NLRP13: variants seen among roughly 807,000 people sequenced by gnomAD.
NLRP13 encodes NACHT, LRR and PYD domains-containing protein 13.
NLRP13 carries 82 observed loss-of-function variants against 94.4 expected under a neutral mutation model. The observed-to-expected ratio is 0.87, with a 90% CI of 0.73 to 1.04. NLRP13 has a LOEUF of 1.04. NLRP13 is among the 50% of genes least tolerant of loss of function. The pLI is 0.00. For synonymous variants in NLRP13, 553 were observed against 464.7 expected (o/e 1.19, Z -2.45); for missense variants, 1,426 against 1,230.8 (o/e 1.16, Z -2.37).
At chr19:55,902,323 AGG>A (rs1568688427) in intron 8 of NLRP13, 118 bp from the exon 9 acceptor site, 5 of 767,530 alleles carry the variant, frequency 6.5e-6, no homozygotes, top group Non-Finnish European at 2.1e-6. Flanking sequence ...CTGGACGACA[AGG>A]TCTTTCTTTT....
chr19:55,902,317 A>G, intron 8 of NLRP13, 112 bp from the exon 9 acceptor site: 2 of 852,230 alleles, frequency 2.3e-6, no homozygotes, highest in Non-Finnish European at 3.6e-6. Flanking sequence ...AGCTCCCTGG[A>G]CGACAAGGTC....
chr19:55,896,820 CAAAAAAAAAAAA>C (rs3073244), intron 10 of NLRP13, among the ~76,000 whole-genome samples: 31 of 80,916 alleles, frequency 3.8e-4, no homozygotes, highest in African/African-American at 1.2e-3. Context: ...CTCCATCTCA[CAAAAAAAAAAAA>C]AAAAAAAAAA....
intron 6 of NLRP13, among the ~76,000 whole-genome samples, chr19:55,909,540 G>GAAA (rs56165547): frequency 6.8e-6 from 1 of 146,238 alleles, no homozygotes; most frequent in Non-Finnish European, 1.5e-5. Context: ...GGATCTCCAG[G>GAAA]AAAAAAAAAA....
At chr19:55,909,010 G>A (rs987384797) in intron 6 of NLRP13, among the ~76,000 whole-genome samples, 2 of 152,082 alleles carry the variant, frequency 1.3e-5, no homozygotes, top group Non-Finnish European at 2.9e-5. Flanking sequence ...GGAAAGTTAC[G>A]ATCAAACCTT....
intron 9 of NLRP13, among the ~76,000 whole-genome samples, chr19:55,899,303 C>G (rs1050174241): frequency 3.3e-5 from 5 of 152,104 alleles, no homozygotes; most frequent in African/African-American, 1.2e-4. Context: ...CCAGGAATCT[C>G]CCATAACGGC....
At chr19:55,896,175 G>C (rs928130690) in intron 10 of NLRP13, 56 bp from the exon 11 acceptor site, 21 of 1,571,788 alleles carry the variant, frequency 1.3e-5, no homozygotes, top group Non-Finnish European at 1.8e-5. Context: ...TGGGAAGTTA[G>C]AAAAGAGATA....
Position 55,911,614 on chromosome 19 carries a change from C to T in NLRP13, c.2111+92G>A, listed in dbSNP as rs545278485. 2.6e-4 allele frequency: 328 copies of T among 1,240,152 alleles called. 1 individual carries two copies. The highest frequency in any genetic ancestry group is 3.4e-4 in the Non-Finnish European group (298 of 886,634). 76.8% of individuals were successfully genotyped at this position (1,240,152 alleles called of 1,614,324 possible). A position where few individuals can be genotyped will look rare whatever the true frequency, so the allele number is the denominator to read the frequency against. ...GTCGGAAATAAGCACGAATACATAA[C>T]GACAACACATCCCTGGTTTTGCATG... On this transcript the variant is annotated intron_variant, in intron 5 of 10. Transcript: ENST00000342929.
chr19:55,910,210 C>T (rs549552055), intron 6 of NLRP13, among the ~76,000 whole-genome samples: 5 of 152,290 alleles, frequency 3.3e-5, no homozygotes, highest in South Asian at 2.1e-4. Context: ...GCTTAAGACA[C>T]GAAGCAGTCT....
intron 1 of NLRP13, among the ~76,000 whole-genome samples, chr19:55,929,672 T>C (rs1327240035): frequency 6.6e-6 from 1 of 152,160 alleles, no homozygotes; most frequent in Non-Finnish European, 1.5e-5. Context: ...ATACCTAATG[T>C]ACATGATGGG....
intron 9 of NLRP13, among the ~76,000 whole-genome samples, chr19:55,899,771 GTC>G (rs2123104797): frequency 1.3e-5 from 2 of 152,138 alleles, no homozygotes; most frequent in African/African-American, 4.8e-5. Flanking sequence ...CAGAGCAAGA[GTC>G]TGTTTAAAAA....
rs1297513196 is a variant in NLRP13 at position 55,913,927 on chromosome 19, C to T, written c.524-634G>A. Among the ~76,000 whole-genome samples the T allele has an allele frequency of 2.0e-5, 3 of 152,146 alleles. No individual in the cohort carries two copies. The East Asian group carries it at 5.8e-4, about 29-fold the overall frequency. On this transcript the variant is annotated intron_variant, in intron 4 of 10. Transcript: ENST00000342929. The stretch of plus-strand genomic sequence containing the variant: ...TTCCCTCACCAGCTATCAGGTTTTC[C>T]TCACTTCCTCGAAACACTTCAGAGC...
At chr19:55,902,620 G>C (rs1360160631) in intron 8 of NLRP13, among the ~76,000 whole-genome samples, 2 of 152,160 alleles carry the variant, frequency 1.3e-5, no homozygotes, top group African/African-American at 4.8e-5. Flanking sequence ...GTCTGGCAGA[G>C]AGCTGCCAGT....
rs146131724 is a variant in NLRP13, at chr19:55,913,167, C to T, written c.650G>A (p.Arg217His). The T allele has an allele frequency of 1.6e-5, 26 of 1,613,968 alleles. No individual in the cohort carries two copies. The highest frequency in any genetic ancestry group is 4.5e-5 in the East Asian group (2 of 44,884). The change falls in exon 5 of 11, where the codon CGC (arginine) becomes CAC (histidine). Residue 217 changes from arginine (R) to histidine (H), a missense_variant. Coordinates refer to ENST00000342929, the MANE Select transcript of NLRP13 (RefSeq NM_176810.2). ...TCTAGTCCTATTAGGATCCAGTAGG[C>T]GCTGCAGTTCCTCATGTTCGTCCTT... Reference protein sequence around the residue: ...TSKDEHEELQRLLDPNRTRAQ... With the variant: ...TSKDEHEELQHLLDPNRTRAQ...
chr19:55,908,424 T>C (rs1324310248), intron 6 of NLRP13, among the ~76,000 whole-genome samples: 3 of 152,228 alleles, frequency 2.0e-5, no homozygotes, highest in African/African-American at 7.2e-5. Flanking sequence ...TTACTGGGTA[T>C]ATGCCCAAAG....
At chr19:55,923,490 G>T (rs546351825) in intron 4 of NLRP13, among the ~76,000 whole-genome samples, 5 of 152,150 alleles carry the variant, frequency 3.3e-5, no homozygotes, top group Admixed American at 6.5e-5. Flanking sequence ...TCACCCACGC[G>T]CAGGAGTAGG....
At position 55,923,896 on chromosome 19, in the gene NLRP13, A is replaced by AT; in HGVS notation, c.523+17dup. On this transcript the variant is annotated intron_variant, in intron 4 of 10. Transcript: ENST00000342929. The stretch of plus-strand genomic sequence containing the variant: ...GTCAAGCAACCTGTCCATTATCAAC[A>AT]TAAAGTAGTATACACACCTGCTTCC... The AT allele has an allele frequency of 6.2e-7, 1 of 1,600,638 alleles. No individual in the cohort carries two copies. The highest frequency in any genetic ancestry group is 8.6e-7 in the Non-Finnish European group (1 of 1,167,750).
At chr19:55,907,716 G>T in intron 7 of NLRP13, 76 bp downstream of exon 7, 3 of 1,396,056 alleles carry the variant, frequency 2.1e-6, no homozygotes, top group Non-Finnish European at 3.0e-6. Flanking sequence ...AGTGCTGTCA[G>T]CCCTCCCAGT....
intron 10 of NLRP13, among the ~76,000 whole-genome samples, chr19:55,898,534 G>A (rs558785645): frequency 4.6e-5 from 7 of 151,960 alleles, no homozygotes; most frequent in Admixed American, 2.6e-4. Flanking sequence ...TAGTAGAGAC[G>A]GGGTTTCCCC....
Position 55,923,968 on chromosome 19 carries a change from C to A in NLRP13, c.469G>T (p.Ala157Ser). The part of the protein sequence containing the change: ...ELEEETGNVQ[A>S]QGCQDPNQEE... ...TGGTTTGGATCTTGGCATCCCTGGG[C>A]CTGTACATTCCCTGAAATAAACAGT... The change falls in exon 4 of 11, where the codon GCC becomes TCC. Residue 157 changes from alanine (A) to serine (S), a missense_variant. Ala to Ser is a moderately conservative substitution (Grantham distance 99, BLOSUM62 1). Coordinates refer to ENST00000342929, the MANE Select transcript of NLRP13 (RefSeq NM_176810.2). 6.2e-7 allele frequency: 1 copy of A among 1,612,012 alleles called. No homozygotes were observed. Among genetic ancestry groups the A allele is most frequent in the South Asian group, 1.1e-5 (1 of 90,860 alleles).
Sources: allele counts gnomAD v4.1 joint callset (sites outside exome capture counted in the v4.1 genomes callset), GRCh38; gene constraint gnomAD v4.1.1; transcripts MANE v1.5; gene names NCBI Gene and HGNC (gene_info 2026-07-23, HGNC 2026-07-21).